The following DMD variants were observed in gnomAD, a reference collection of about 807,000 sequenced individuals.
DMD encodes dystrophin.
DMD carries 63 observed loss-of-function variants against 330.1 expected under a neutral mutation model. That is an observed-to-expected ratio of 0.19 (90% CI 0.16 to 0.24). The LOEUF is 0.24. DMD is among the 10% of genes least tolerant of loss of function. The pLI is 1.00. For missense variants in DMD, 3,344 were observed against 2,684.1 expected (o/e 1.25, Z -5.43); for synonymous variants, 1,223 against 959.8 (o/e 1.27, Z -5.07).
At chrX:33,262,993 C>A (rs2052984257) in intron 1 of DMD, among the ~76,000 whole-genome samples, 1 of 109,676 alleles carries the variant, frequency 9.1e-6, no homozygotes, top group African/African-American at 3.3e-5. Flanking sequence ...TCATACTCAT[C>A]AAATTGATAA....
chrX:31,293,218 T>TGTGTGTGTGTGGTCTGGTTTA (rs2053891711), intron 62 of DMD, among the ~76,000 whole-genome samples: 21 of 95,912 alleles, frequency 2.2e-4, no homozygotes, highest in African/African-American at 8.8e-4. Context: ...TGTGTGTGTG[T>TGTGTGTGTGTGGTCTGGTTTA]GTGTGTGTGT....
chrX:32,686,263 A>G (rs2062852769), intron 9 of DMD, among the ~76,000 whole-genome samples: 1 of 111,867 alleles, frequency 8.9e-6, no homozygotes, highest in Non-Finnish European at 1.9e-5. Context: ...CATTTTAAGG[A>G]ATATATCTGT....
At chrX:32,332,987 G>A (rs1156795654) in intron 41 of DMD, among the ~76,000 whole-genome samples, 1 of 111,110 alleles carries the variant, frequency 9.0e-6, no homozygotes, top group Admixed American at 9.7e-5. Flanking sequence ...CCCAAGGACT[G>A]AGCACTGAGG....
At chrX:32,442,535 A>G (rs2098285419) in intron 27 of DMD, among the ~76,000 whole-genome samples, 1 of 110,714 alleles carries the variant, frequency 9.0e-6, no homozygotes, top group Admixed American at 9.6e-5. Flanking sequence ...AAAAATTTGT[A>G]TTTATTGTTG....
chrX:31,372,131 T>C (rs1261102976), intron 60 of DMD, among the ~76,000 whole-genome samples: 1 of 111,325 alleles, frequency 9.0e-6, no homozygotes, highest in African/African-American at 3.3e-5. Context: ...GCAAACGGCT[T>C]AGGGGCAGAG....
intron 1 of DMD, among the ~76,000 whole-genome samples, chrX:33,152,963 C>T (rs1266388400): frequency 8.9e-6 from 1 of 112,382 alleles, no homozygotes. Flanking sequence ...AAAAACTGAG[C>T]ATTATGCAAG....
chrX:33,065,792 T>TGTCATATTACA (rs1376713493), intron 1 of DMD, among the ~76,000 whole-genome samples: 1 of 112,337 alleles, frequency 8.9e-6, no homozygotes, highest in Non-Finnish European at 1.9e-5. Flanking sequence ...ATATGACAGA[T>TGTCATATTACA]GTCATATTAC....
chrX:31,345,278 G>A (rs1345110606), intron 61 of DMD, among the ~76,000 whole-genome samples: 1 of 111,344 alleles, frequency 9.0e-6, no homozygotes, highest in Non-Finnish European at 1.9e-5. Flanking sequence ...GCACTGATGT[G>A]ATATGGTTTG....
chrX:31,691,503 G>A (rs1352097894), intron 52 of DMD, among the ~76,000 whole-genome samples: 1 of 111,185 alleles, frequency 9.0e-6, no homozygotes, highest in Non-Finnish European at 1.9e-5. Context: ...GTGGATTAAC[G>A]ACAACAACAA....
chrX:32,605,764 A>G (rs2056641274), intron 12 of DMD, among the ~76,000 whole-genome samples: 1 of 105,796 alleles, frequency 9.5e-6, no homozygotes, highest in African/African-American at 3.4e-5. Flanking sequence ...AAAAGAAGAT[A>G]TACAAGTGGC....
At chrX:31,562,716 T>C (rs137906702) in intron 55 of DMD, among the ~76,000 whole-genome samples, 1 of 108,346 alleles carries the variant, frequency 9.2e-6, no homozygotes, top group African/African-American at 3.2e-5. Context: ...CATCTCTTTA[T>C]GTCACATGTT....
intron 62 of DMD, among the ~76,000 whole-genome samples, chrX:31,321,583 C>CAAAAAAAAAAAAAAAAAAAAAAAAAAAAA: frequency 9.6e-5 from 1 of 10,470 alleles, no homozygotes; most frequent in Non-Finnish European, 1.5e-4. Context: ...AACTCCATCT[C>CAAAAAAAAAAAAAAAAAAAAAAAAAAAAA]AAAAAAAAAA....
chrX:32,300,205 A>T (rs1265105824), intron 42 of DMD, among the ~76,000 whole-genome samples: 2 of 111,675 alleles, frequency 1.8e-5, no homozygotes, highest in Non-Finnish European at 3.8e-5. Flanking sequence ...CAATCATTGA[A>T]CCTCTAAGAT....
At chrX:31,462,822 T>C (rs1025123696) in intron 59 of DMD, among the ~76,000 whole-genome samples, 1 of 112,395 alleles carries the variant, frequency 8.9e-6, no homozygotes, top group Non-Finnish European at 1.9e-5. Context: ...AATAATCAGA[T>C]GAACCTGCAA....
rs138973236 is a variant in DMD, at chrX:32,191,502, A to G, written c.6438+25414T>C. 3.4e-3 allele frequency among the ~76,000 whole-genome samples: 376 copies of G among 111,683 alleles called. 2 individuals are homozygous for G. Among genetic ancestry groups the G allele is most frequent in the African/African-American group, 0.011 (344 of 30,712 alleles). On this transcript the variant is annotated intron_variant, in intron 44 of 78. Coordinates refer to ENST00000357033, the MANE Select transcript of DMD (RefSeq NM_004006.3). The stretch of plus-strand genomic sequence containing the variant: ...GTTCCCTCTGTTCTCTCCTCAATGC[A>G]TATTTGTTGTATACTCTTTGCCAGG...
intron 2 of DMD, among the ~76,000 whole-genome samples, chrX:32,942,408 C>T (rs1393487864): frequency 2.7e-5 from 3 of 110,565 alleles, no homozygotes; most frequent in Admixed American, 9.6e-5. Flanking sequence ...CCAGGTGTGG[C>T]GGTGTGTGCC....
chrX:32,963,833 G>A (rs5972721), intron 2 of DMD, among the ~76,000 whole-genome samples: 41,199 of 110,553 alleles, frequency 0.37, 6,729 homozygotes, highest in African/African-American at 0.64. Flanking sequence ...GCATAAAGAT[G>A]AAAAATATGA....
chrX:31,269,013 A>G (rs1020408734), intron 62 of DMD, among the ~76,000 whole-genome samples: 1 of 112,363 alleles, frequency 8.9e-6, no homozygotes, highest in Non-Finnish European at 1.9e-5. Context: ...CACTATTCAG[A>G]CTTTTTAAAA....
At chrX:31,337,319 CAG>C (rs1484628138) in intron 61 of DMD, among the ~76,000 whole-genome samples, 2 of 111,736 alleles carry the variant, frequency 1.8e-5, no homozygotes, top group Non-Finnish European at 3.8e-5. Flanking sequence ...TAGCACATAA[CAG>C]AGCAGTACCT....
Sources: allele counts gnomAD v4.1 joint callset (sites outside exome capture counted in the v4.1 genomes callset), GRCh38; gene constraint gnomAD v4.1.1; transcripts MANE v1.5; gene names NCBI Gene and HGNC (gene_info 2026-07-23, HGNC 2026-07-21).